Variants in TNFRSF13B observed in about 807,000 individuals in gnomAD.
TNFRSF13B encodes tumor necrosis factor receptor superfamily member 13B.
TNFRSF13B carries 34 observed loss-of-function variants against 24.0 expected under a neutral mutation model. The ratio of observed to expected loss-of-function variants is 1.41; its 90% CI spans 1.08 to 1.88. TNFRSF13B has a LOEUF of 1.88. TNFRSF13B is among the 40% of genes most tolerant of loss of function. The pLI is 0.00. For missense variants in TNFRSF13B, 415 were observed against 380.8 expected, an observed-to-expected ratio of 1.09 and a Z score of -0.75; for synonymous variants, 173 against 150.3, an observed-to-expected ratio of 1.15 and a Z score of -1.10.
intron 4 of TNFRSF13B, chr17:16,940,016 C>G: frequency 1.0e-6 from 1 of 955,392 alleles, no homozygotes; most frequent in African/African-American, 1.6e-5. Flanking sequence ...CTGTCCAGCA[C>G]CGAGCCTGCC....
intron 1 of TNFRSF13B, among the ~76,000 whole-genome samples, chr17:16,965,592 T>C (rs866366967): frequency 4.6e-5 from 7 of 152,276 alleles, no homozygotes; most frequent in African/African-American, 1.7e-4. Context: ...GCAGGGATCA[T>C]ACTGAGTTTC....
intron 2 of TNFRSF13B, among the ~76,000 whole-genome samples, chr17:16,949,348 T>A (rs2087572666): frequency 1.3e-5 from 2 of 152,228 alleles, no homozygotes; most frequent in African/African-American, 4.8e-5. Flanking sequence ...CATTGTTACA[T>A]AAGACTTTTA....
intron 1 of TNFRSF13B, among the ~76,000 whole-genome samples, chr17:16,960,916 A>C (rs2087658130): frequency 6.6e-6 from 1 of 152,202 alleles, no homozygotes; most frequent in African/African-American, 2.4e-5. Flanking sequence ...AAAAAACCAA[A>C]CAACTCAAGT....
intron 1 of TNFRSF13B, among the ~76,000 whole-genome samples, chr17:16,958,962 G>C (rs1355844652): frequency 6.6e-6 from 1 of 151,962 alleles, no homozygotes; most frequent in East Asian, 1.9e-4. Flanking sequence ...AAACCAATTA[G>C]ACATCACAGA....
intron 1 of TNFRSF13B, among the ~76,000 whole-genome samples, chr17:16,954,852 G>T (rs998689266): frequency 6.6e-5 from 10 of 152,204 alleles, no homozygotes; most frequent in Non-Finnish European, 1.2e-4. Flanking sequence ...ACAGCTGAGG[G>T]TAGCAACGTG....
At chr17:16,968,151 AAAAAAG>A (rs1255699489) in intron 1 of TNFRSF13B, among the ~76,000 whole-genome samples, 9 of 141,498 alleles carry the variant, frequency 6.4e-5, no homozygotes, top group Non-Finnish European at 9.2e-5. Flanking sequence ...CAAAAAAAAA[AAAAAAG>A]AAAAAAGAAA....
chr17:16,951,550 A>G (rs1056922138), intron 2 of TNFRSF13B, among the ~76,000 whole-genome samples: 1 of 152,250 alleles, frequency 6.6e-6, no homozygotes, highest in Non-Finnish European at 1.5e-5. Flanking sequence ...TTCGTGGTCC[A>G]GTATCTGCAG....
chr17:16,954,399 A>G (rs1230475384), intron 1 of TNFRSF13B, among the ~76,000 whole-genome samples: 5 of 152,184 alleles, frequency 3.3e-5, no homozygotes, highest in African/African-American at 1.2e-4. Context: ...AAGGAAAAGA[A>G]AAAAGACCAG....
rs2087566426 is a variant in TNFRSF13B, at chr17:16,948,734, T to G, written c.445+4A>C. The stretch of plus-strand genomic sequence containing the variant: ...ACCATGCAGGTTTGCCTTGGGTGGC[T>G]TACCTGGACTTGCTTCTGAGCCTCT... On this transcript the variant is annotated splice_donor_region_variant and intron_variant, in intron 3 of 4. Coordinates refer to ENST00000261652, the MANE Select transcript of TNFRSF13B (RefSeq NM_012452.3). 2.5e-6 allele frequency: 4 copies of G among 1,613,802 alleles called. No individual in the cohort carries two copies. The highest frequency in any genetic ancestry group is 3.5e-4 in the Middle Eastern group (2 of 5,714).
intron 3 of TNFRSF13B, chr17:16,941,304 G>A (rs1459647498): frequency 2.0e-6 from 2 of 987,594 alleles, no homozygotes; most frequent in Non-Finnish European, 2.4e-6. Flanking sequence ...GACAGCAGGT[G>A]CCAACCAGGA....
At chr17:16,949,969 A>G (rs907342161) in intron 2 of TNFRSF13B, among the ~76,000 whole-genome samples, 2 of 152,298 alleles carry the variant, frequency 1.3e-5, no homozygotes, top group Admixed American at 1.3e-4. Flanking sequence ...TACAGGTGGC[A>G]TGAACCACCG....
chr17:16,969,780 CT>C (rs1001002883), intron 1 of TNFRSF13B, among the ~76,000 whole-genome samples: 7 of 152,118 alleles, frequency 4.6e-5, no homozygotes, highest in African/African-American at 1.7e-4. Context: ...TCTTTCAATA[CT>C]TTCTGGGTTT....
chr17:16,940,923 T>A, intron 3 of TNFRSF13B: 2 of 1,101,988 alleles, frequency 1.8e-6, no homozygotes, highest in Non-Finnish European at 2.2e-6. Context: ...AGTCGTCCCT[T>A]GGTATCCATG....
rs148949270 is a variant in TNFRSF13B, at chr17:16,942,267, G to A, written c.446-1756C>T. ...TGTTCTCGGTCTTAGACCTGCACCC[G>A]GGAGCCGGTCTCACCAATTCCCAGG... On this transcript the variant is annotated intron_variant, in intron 3 of 4. Transcript: ENST00000261652. 4.9e-4 allele frequency among the ~76,000 whole-genome samples: 74 copies of A among 152,286 alleles called. 1 individual carries two copies. The East Asian group carries it at 0.014, about 28-fold the overall frequency.
chr17:16,954,694 G>C (rs1316555795), intron 1 of TNFRSF13B, among the ~76,000 whole-genome samples: 2 of 152,218 alleles, frequency 1.3e-5, no homozygotes, highest in Admixed American at 6.5e-5. Context: ...ACGTATCTCT[G>C]ACGGCAGGGC....
chr17:16,944,578 C>T (rs1046659770), intron 3 of TNFRSF13B, among the ~76,000 whole-genome samples: 2 of 152,174 alleles, frequency 1.3e-5, no homozygotes, highest in African/African-American at 4.8e-5. Flanking sequence ...GTGTCACCTG[C>T]AGCTGGGTTA....
intron 1 of TNFRSF13B, among the ~76,000 whole-genome samples, chr17:16,963,957 A>G (rs2087681413): frequency 6.6e-6 from 1 of 152,160 alleles, no homozygotes; most frequent in African/African-American, 2.4e-5. Flanking sequence ...GCGTGCAGAG[A>G]TAGGGTGTGT....
intron 1 of TNFRSF13B, among the ~76,000 whole-genome samples, chr17:16,967,232 C>T (rs1346202581): frequency 6.6e-6 from 1 of 152,078 alleles, no homozygotes; most frequent in Non-Finnish European, 1.5e-5. Context: ...CATTTATACA[C>T]TAGATTGTTC....
chr17:16,949,107 G>T, intron 2 of TNFRSF13B, 124 bp from the exon 3 acceptor site: 1 of 1,270,190 alleles, frequency 7.9e-7, no homozygotes, highest in Non-Finnish European at 1.1e-6. Context: ...CAATTCCAGA[G>T]TAAGCCAAGT....
Sources: allele counts gnomAD v4.1 joint callset (sites outside exome capture counted in the v4.1 genomes callset), GRCh38; gene constraint gnomAD v4.1.1; transcripts MANE v1.5; gene names NCBI Gene and HGNC (gene_info 2026-07-23, HGNC 2026-07-21).